Variants in SLC6A7 observed in about 807,000 individuals in gnomAD.
SLC6A7 encodes sodium-dependent proline transporter.
A neutral mutation model predicts 73.1 loss-of-function variants in SLC6A7; 58 were observed. The observed-to-expected ratio is 0.79, with a 90% CI of 0.64 to 0.99. The LOEUF is 0.99. Ranked by LOEUF, SLC6A7 falls within the 50% of genes least tolerant of loss-of-function variation. The pLI is 0.00. For synonymous variants in SLC6A7, 338 were observed against 338.7 expected (o/e 1.00, Z 0.02); for missense variants, 783 against 831.4 (o/e 0.94, Z 0.72).
At position 150,194,774 on chromosome 5, in the gene SLC6A7, T is replaced by C; in HGVS notation, c.80T>C (p.Val27Ala). Residue 27 changes from valine to alanine, a missense_variant, in exon 2 of 14, where the codon GTC becomes GCC. Coordinates refer to ENST00000230671, the MANE Select transcript of SLC6A7 (RefSeq NM_014228.5). ...LLMTPSDQGD[V>A]DLDVDFAAHR... ...ATGACCCCCAGTGACCAGGGCGATG[T>C]CGACCTGGATGTGGACTTTGCTGCA... 2 of 1,614,130 alleles carry C rather than the reference T, an allele frequency of 1.2e-6. No individual in the cohort carries two copies. Among genetic ancestry groups the C allele is most frequent in the African/African-American group, 2.7e-5 (2 of 75,040 alleles).
chr5:150,196,959 T>G (rs1192766862), intron 3 of SLC6A7, 83 bp from the exon 4 acceptor site: 1 of 1,530,304 alleles, frequency 6.5e-7, no homozygotes, highest in African/African-American at 1.4e-5. Flanking sequence ...GAAGCCCAGA[T>G]AGCTGCCAGC....
At chr5:150,202,801 G>A (rs1354589127) in intron 8 of SLC6A7, 98 bp downstream of exon 8, 34 of 1,383,764 alleles carry the variant, frequency 2.5e-5, no homozygotes, top group South Asian at 8.1e-5. Flanking sequence ...GGGGCCAGGC[G>A]CGGTGGCTCA....
rs760073512 is a variant in SLC6A7 at position 150,205,583 on chromosome 5, T to C, written c.1661T>C (p.Met554Thr). 5 of 1,613,192 alleles carry C rather than the reference T, an allele frequency of 3.1e-6. No homozygotes were observed. Among genetic ancestry groups the C allele is most frequent in the Admixed American group, 1.7e-5 (1 of 59,932 alleles). Residue 554 changes from methionine to threonine, a missense_variant, in exon 13 of 14, where the codon ATG becomes ACG. Coordinates refer to ENST00000230671, the MANE Select transcript of SLC6A7 (RefSeq NM_014228.5). ...LLSCLMIPAG[M>T]LVAVLREEGS... ...TCCTGCCTCATGATCCCAGCTGGCATGCTGGTGGCTGTGCTTCGAGAAGAG... is the reference window on the plus strand; with the variant it reads ...TCCTGCCTCATGATCCCAGCTGGCACGCTGGTGGCTGTGCTTCGAGAAGAG...
chr5:150,198,092 A>G (rs2113973732), intron 4 of SLC6A7, among the ~76,000 whole-genome samples: 1 of 106,284 alleles, frequency 9.4e-6, no homozygotes, highest in South Asian at 3.0e-4. Context: ...AGAAAGAAAG[A>G]AAGAAAGAAA....
intron 1 of SLC6A7, 32 bp downstream of exon 1, chr5:150,190,392 C>T: frequency 2.7e-6 from 4 of 1,461,354 alleles, no homozygotes; most frequent in Non-Finnish European, 3.6e-6. Flanking sequence ...GCTGGGGGTG[C>T]ACCTGGAGGA....
At chr5:150,202,481 G>T in intron 7 of SLC6A7, 31 bp downstream of exon 7, 1 of 1,610,388 alleles carries the variant, frequency 6.2e-7, no homozygotes, top group Non-Finnish European at 8.5e-7. Context: ...CAGACCCTGG[G>T]GTCCAAAGCA....
chr5:150,200,404 A>G, intron 5 of SLC6A7, among the ~76,000 whole-genome samples: 1 of 152,154 alleles, frequency 6.6e-6, no homozygotes, highest in East Asian at 1.9e-4. Flanking sequence ...GAGACGGGAG[A>G]ATCGCTTGAA....
intron 5 of SLC6A7, 143 bp downstream of exon 5, chr5:150,199,509 A>C: frequency 1.7e-6 from 1 of 604,892 alleles, no homozygotes; most frequent in Non-Finnish European, 2.9e-6. Flanking sequence ...AGACTGGGGG[A>C]TGAGGGCTGC....
chr5:150,192,621 C>T (rs1288086664), intron 1 of SLC6A7, among the ~76,000 whole-genome samples: 1 of 152,212 alleles, frequency 6.6e-6, no homozygotes, highest in Non-Finnish European at 1.5e-5. Context: ...ATTGGCTCAG[C>T]TTTGGAGGAC....
chr5:150,204,423 T>C (rs1361390799), intron 10 of SLC6A7, 109 bp from the exon 11 acceptor site: 35 of 859,340 alleles, frequency 4.1e-5, no homozygotes. Flanking sequence ...CACCCTGTCA[T>C]CTTGTGCTGT....
In SLC6A7 at chr5:150,209,537, C is replaced by G. The variant is rs145244839; in HGVS notation, c.1833C>G (p.Tyr611Ter). Residue 611 changes from tyrosine to a stop codon, truncating the protein, a stop_gained, in exon 14 of 14, where the codon TAC becomes TAG. Coordinates refer to ENST00000230671, the MANE Select transcript of SLC6A7 (RefSeq NM_014228.5). LOFTEE classifies it high-confidence loss of function. ...CACTGATGGTGCACATGCGCAAGTACGGGGGCATCACCAGCTTCGAGAACA... is the reference window on the plus strand; with the variant it reads ...CACTGATGGTGCACATGCGCAAGTAGGGGGGCATCACCAGCTTCGAGAACA... Reference protein sequence around the residue: ...PKPLMVHMRKYGGITSFENTA... With the variant: ...PKPLMVHMRK 2 of 1,614,132 alleles carry G rather than the reference C, an allele frequency of 1.2e-6. No individual in the cohort carries two copies. Among genetic ancestry groups the G allele is most frequent in the Non-Finnish European group, 8.5e-7 (1 of 1,180,024 alleles).
chr5:150,202,383 C>T lies in SLC6A7; in HGVS notation c.895C>T (p.Leu299=), dbSNP rs1304898955. The T allele has an allele frequency of 6.2e-7, 1 of 1,614,190 alleles. No homozygotes were observed. The highest frequency in any genetic ancestry group is 1.7e-5 in the Admixed American group (1 of 60,034). ...AGCTGCTCTTCAGATCTTCTATTCC[C>T]TGGGTGTGGGCTTCGGGGGGCTCCT... ...IEAALQIFYS[L]GVGFGGLLTF... The change falls in exon 7 of 14, where the codon CTG becomes TTG. Residue 299 remains leucine, a synonymous_variant. Transcript: ENST00000230671.
In SLC6A7 at chr5:150,194,753, C is replaced by T. The variant is rs1752936685; in HGVS notation, c.59C>T (p.Thr20Ile). Residue 20 changes from threonine (T) to isoleucine (I), a missense_variant, in exon 2 of 14, where the codon ACC becomes ATC. Coordinates refer to ENST00000230671, the MANE Select transcript of SLC6A7 (RefSeq NM_014228.5). ...CCTGTCACCCCAGACCTGCTGATGA[C>T]CCCCAGTGACCAGGGCGATGTCGAC... is the stretch of plus-strand genomic sequence containing the variant. The part of the protein sequence containing the change: ...RKPVTPDLLM[T>I]PSDQGDVDLD... The T allele has an allele frequency of 1.2e-6, 2 of 1,613,980 alleles. No homozygotes were observed. Among genetic ancestry groups the T allele is most frequent in the Admixed American group, 1.7e-5 (1 of 60,014 alleles).
intron 5 of SLC6A7, 41 bp downstream of exon 5, chr5:150,199,407 G>A (rs778671279): frequency 6.8e-7 from 1 of 1,466,340 alleles, no homozygotes; most frequent in Non-Finnish European, 9.5e-7. Flanking sequence ...GGGCTGGATG[G>A]GGTGAAGGCT....
chr5:150,207,473 C>T (rs1010997565), intron 13 of SLC6A7, among the ~76,000 whole-genome samples: 2 of 152,152 alleles, frequency 1.3e-5, no homozygotes, highest in East Asian at 1.9e-4. Flanking sequence ...AACTCCTGGC[C>T]TCAAGTGATC....
intron 4 of SLC6A7, among the ~76,000 whole-genome samples, chr5:150,197,684 A>G (rs896086777): frequency 1.3e-5 from 2 of 152,190 alleles, no homozygotes; most frequent in African/African-American, 4.8e-5. Flanking sequence ...AGGGGTTGGT[A>G]ACAGTACCTG....
rs1188810679 is a variant in SLC6A7 at position 150,209,649 on chromosome 5, G to C, written c.*34G>C. The C allele has an allele frequency of 1.3e-6, 2 of 1,493,080 alleles. No homozygotes were observed. Among genetic ancestry groups the C allele is most frequent in the Non-Finnish European group, 1.8e-6 (2 of 1,090,720 alleles). The allele number at this position is 1,493,080 out of a possible 1,614,324, so 92.5% of individuals were successfully genotyped here. ...GCAGGCGGGCAGAAGGCCCTGCCCGGGACCTCACAGTCCCTTCTTAGAAGC... is the reference window on the plus strand; with the variant it reads ...GCAGGCGGGCAGAAGGCCCTGCCCGCGACCTCACAGTCCCTTCTTAGAAGC... On this transcript the variant is annotated 3_prime_UTR_variant, in exon 14 of 14. Transcript: ENST00000230671.
At chr5:150,194,584 T>G (rs180908597) in intron 1 of SLC6A7, 144 bp from the exon 2 acceptor site, 170 of 666,564 alleles carry the variant, frequency 2.6e-4, no homozygotes, top group Non-Finnish European at 4.2e-4. Context: ...ATGACAAGGT[T>G]AGTCCAGTTG....
chr5:150,209,032 T>A (rs113104098), intron 13 of SLC6A7, among the ~76,000 whole-genome samples: 2,838 of 152,310 alleles, frequency 0.019, 77 homozygotes, highest in African/African-American at 0.065. Context: ...CGCCGCGTAA[T>A]TATAGCAACA....
Sources: allele counts gnomAD v4.1 joint callset (sites outside exome capture counted in the v4.1 genomes callset), GRCh38; gene constraint gnomAD v4.1.1; transcripts MANE v1.5; gene names NCBI Gene and HGNC (gene_info 2026-07-23, HGNC 2026-07-21).